The following KANK1 variants were observed in gnomAD, a reference collection of about 807,000 sequenced individuals.
The protein encoded by KANK1 is KN motif and ankyrin repeat domains 1.
A neutral mutation model predicts 106.2 loss-of-function variants in KANK1; 109 were observed. The ratio of observed to expected loss-of-function variants is 1.03; its 90% confidence interval spans 0.88 to 1.20. KANK1 has a LOEUF of 1.20. Among genes scored for constraint, KANK1 ranks in the 50% most tolerant of loss-of-function variants. The probability of loss-of-function intolerance (pLI) is 0.00; values close to 1 mark genes in which losing one functional copy is unlikely to be tolerated. For missense variants in KANK1, 2,399 were observed against 1,710.7 expected, an observed-to-expected ratio of 1.40 and a Z score of -7.10; for synonymous variants, 873 against 652.2, an observed-to-expected ratio of 1.34 and a Z score of -5.16.
intron 1 of KANK1, among the ~76,000 whole-genome samples, chr9:655,205 A>G (rs1255997199): frequency 1.3e-5 from 2 of 151,982 alleles, no homozygotes; most frequent in African/African-American, 2.4e-5. Flanking sequence ...CCTCGTCTCT[A>G]CTAAAAATAC....
At chr9:573,998 G>A (rs1042356597) in intron 1 of KANK1, among the ~76,000 whole-genome samples, 5 of 152,232 alleles carry the variant, frequency 3.3e-5, no homozygotes, top group Admixed American at 6.5e-5. Context: ...AATGGGCTGT[G>A]CCCATCCGCC....
At chr9:578,858 C>T (rs1031464702) in intron 1 of KANK1, among the ~76,000 whole-genome samples, 5 of 152,128 alleles carry the variant, frequency 3.3e-5, no homozygotes, top group African/African-American at 1.2e-4. Context: ...GAAATGTAGG[C>T]TCAAGCTATG....
chr9:700,399 G>A lies in KANK1; in HGVS notation c.38-10405G>A, dbSNP rs556169179. On this transcript the variant is annotated intron_variant, in intron 2 of 11. Transcript: ENST00000382297. ...TCAGGAGATACCACCTGCTAAACCC[G>A]TTCAGAAGGACGCTGTTGTACTTCG... Among the ~76,000 whole-genome samples the A allele has an allele frequency of 2.3e-4, 35 of 152,294 alleles. 1 individual carries two copies. The highest frequency in any genetic ancestry group is 1.9e-3 in the Admixed American group (29 of 15,300).
In KANK1 at chr9:744,578, G is replaced by T. The variant is rs1564148037; in HGVS notation, c.3985G>T (p.Ala1329Ser). The change falls in exon 11 of 12, where the codon GCC becomes TCC. Residue 1329 changes from alanine (A) to serine (S), a missense_variant. Physicochemically the swap from Ala to Ser is moderately conservative, Grantham distance 99 (BLOSUM62 1). Coordinates refer to ENST00000382297, the MANE Select transcript of KANK1 (RefSeq NM_015158.5). Reference protein sequence around the residue: ...LLYAHVNFAKAQSPGTPRLGR... With the variant: ...LLYAHVNFAKSQSPGTPRLGR... ...GTATGCCCATGTCAACTTTGCAAAA[G>T]CCCAGTCTCCGGTCAGTGTTGTGCA... The T allele has an allele frequency of 1.9e-6, 3 of 1,614,104 alleles. No homozygotes were observed. Among genetic ancestry groups the T allele is most frequent in the East Asian group, 2.2e-5 (1 of 44,880 alleles).
rs12551595 is a variant in KANK1 at position 732,704 on chromosome 9, T to A, written c.3245+87T>A. 141,744 of 1,457,454 alleles carry A rather than the reference T, an allele frequency of 0.097. 7,843 individuals carry two copies. Among genetic ancestry groups the A allele is most frequent in the Non-Finnish European group, 0.11 (119,359 of 1,064,606 alleles). 90.3% of individuals were successfully genotyped at this position (1,457,454 alleles called of 1,614,324 possible). Reference sequence around the variant, plus strand: ...GTTGGCCAGTTCAGAGCTTTTGTAATTAAATGTTTGCTTTTATCTGTTCCT... The same window carrying A: ...GTTGGCCAGTTCAGAGCTTTTGTAAATAAATGTTTGCTTTTATCTGTTCCT... On this transcript the variant is annotated intron_variant, in intron 6 of 11. Coordinates refer to ENST00000382297, the MANE Select transcript of KANK1 (RefSeq NM_015158.5).
chr9:531,776 G>A (rs1248785734), intron 1 of KANK1, among the ~76,000 whole-genome samples: 1 of 152,192 alleles, frequency 6.6e-6, no homozygotes, highest in Non-Finnish European at 1.5e-5. Flanking sequence ...AGAATAAAAC[G>A]CCTTCTGGCG....
At chr9:679,411 T>C (rs897953711) in intron 2 of KANK1, among the ~76,000 whole-genome samples, 17 of 148,096 alleles carry the variant, frequency 1.1e-4, no homozygotes, top group Admixed American at 4.1e-4. Flanking sequence ...ATGACACTCA[T>C]AGAAAAAAAA....
In KANK1 at chr9:646,794, A is replaced by G. The variant is rs974292417; in HGVS notation, c.-83-30096A>G. 2.7e-5 allele frequency among the ~76,000 whole-genome samples: 4 copies of G among 150,138 alleles called. 1 individual carries two copies. The highest frequency in any genetic ancestry group is 1.0e-4 in the African/African-American group (4 of 39,696). On this transcript the variant is annotated intron_variant, in intron 1 of 11. Transcript: ENST00000382297. ...AATCTCCGCCTCCCGGGTTAAAGCA[A>G]TTCTTGGTCTCAGTCTCCCAAGCAG...
intron 7 of KANK1, 85 bp from the exon 8 acceptor site, chr9:738,200 T>C: frequency 8.9e-7 from 1 of 1,123,816 alleles, no homozygotes; most frequent in Non-Finnish European, 1.3e-6. Context: ...ACTTTGACTA[T>C]AAAAGGACAG....
chr9:564,062 C>G (rs199654553), intron 1 of KANK1, among the ~76,000 whole-genome samples: 1 of 140,258 alleles, frequency 7.1e-6, no homozygotes, highest in African/African-American at 2.6e-5. Context: ...CACTTTCTTT[C>G]TTTTTTTTTT....
At chr9:605,267 C>G (rs946326628) in intron 1 of KANK1, among the ~76,000 whole-genome samples, 2 of 144,920 alleles carry the variant, frequency 1.4e-5, no homozygotes, top group Admixed American at 7.0e-5. Context: ...AACCACTGCA[C>G]TCCAGCCTGG....
At chr9:745,034 C>T in intron 11 of KANK1, 139 bp from the exon 12 acceptor site, 1 of 1,515,830 alleles carries the variant, frequency 6.6e-7, no homozygotes, top group Non-Finnish European at 8.8e-7. Context: ...CACCTGTTCC[C>T]TGTTCTCAGC....
At chr9:691,461 A>G (rs1305592886) in intron 2 of KANK1, among the ~76,000 whole-genome samples, 1 of 150,656 alleles carries the variant, frequency 6.6e-6, no homozygotes, top group Non-Finnish European at 1.5e-5. Flanking sequence ...AGGTCTCACT[A>G]TTTTGCTTAG....
Position 710,936 on chromosome 9 carries a change from C to A in KANK1, c.170C>A (p.Thr57Asn). The A allele has an allele frequency of 6.2e-7, 1 of 1,614,112 alleles. No homozygotes were observed. The highest frequency in any genetic ancestry group is 8.5e-7 in the Non-Finnish European group (1 of 1,180,020). The change falls in exon 3 of 12, where the codon ACC becomes AAC. Residue 57 changes from threonine (T) to asparagine (N), a missense_variant. By Grantham distance (65) the Thr-to-Asn change is moderately conservative. Transcript: ENST00000382297. The stretch of plus-strand genomic sequence containing the variant: ...GTGGATGACATACAGAAGGGAAATA[C>A]CATCAAAAGACTGAACATCCAGAAG... The part of the protein sequence containing the change: ...KYVDDIQKGN[T>N]IKRLNIQKRR...
At chr9:538,862 A>C (rs1426321937) in intron 1 of KANK1, among the ~76,000 whole-genome samples, 1 of 152,214 alleles carries the variant, frequency 6.6e-6, no homozygotes, top group African/African-American at 2.4e-5. Flanking sequence ...TTTTTGTTTG[A>C]AAATTTTCCA....
intron 1 of KANK1, among the ~76,000 whole-genome samples, chr9:653,118 G>A (rs1356113551): frequency 2.6e-5 from 4 of 152,170 alleles, no homozygotes; most frequent in Non-Finnish European, 5.9e-5. Context: ...AGGAAGCCTT[G>A]TGTTCCCTTT....
chr9:589,430 C>A (rs2135504767), intron 1 of KANK1, among the ~76,000 whole-genome samples: 1 of 152,072 alleles, frequency 6.6e-6, no homozygotes, highest in African/African-American at 2.4e-5. Context: ...AAAGAAGGAG[C>A]AAAAGAGGAT....
intron 2 of KANK1, chr9:684,045 A>G (rs751310460): frequency 4.6e-6 from 2 of 433,036 alleles, no homozygotes; most frequent in Non-Finnish European, 6.1e-6. Flanking sequence ...TGTGTGGTTA[A>G]TCAGAACCTC....
chr9:689,195 A>G (rs760736257), intron 2 of KANK1, among the ~76,000 whole-genome samples: 7 of 152,200 alleles, frequency 4.6e-5, no homozygotes, highest in African/African-American at 1.7e-4. Context: ...CCATGGGGCA[A>G]TCCAGACTGT....
Sources: allele counts gnomAD v4.1 joint callset (sites outside exome capture counted in the v4.1 genomes callset), GRCh38; gene constraint gnomAD v4.1.1; transcripts MANE v1.5; gene names NCBI Gene and HGNC (gene_info 2026-07-23, HGNC 2026-07-21).